The following CHCHD6 variants were observed in gnomAD, a reference collection of about 807,000 sequenced individuals.
CHCHD6 encodes coiled-coil-helix-coiled-coil-helix domain containing 6.
In CHCHD6, 28 loss-of-function variants were observed where a neutral mutation model predicts 32.3. The observed-to-expected ratio is 0.87, with a 90% CI of 0.64 to 1.19. The LOEUF (loss-of-function observed/expected upper bound fraction) is 1.19, where lower values mean the gene tolerates loss of function less well. Ranked by LOEUF, CHCHD6 falls within the 50% of genes most tolerant of loss-of-function variation. CHCHD6 has a pLI of 0.00. For missense variants in CHCHD6, 333 were observed against 307.0 expected (o/e 1.08, Z -0.63); for synonymous variants, 122 against 117.5 (o/e 1.04, Z -0.25).
chr3:126,795,259 A>G (rs1938739344), intron 4 of CHCHD6, among the ~76,000 whole-genome samples: 1 of 152,186 alleles, frequency 6.6e-6, no homozygotes, highest in South Asian at 2.1e-4. Flanking sequence ...TTTCCCTAAA[A>G]CAGGGTATTT....
At chr3:126,953,553 A>C (rs544645374) in intron 6 of CHCHD6, among the ~76,000 whole-genome samples, 1 of 152,336 alleles carries the variant, frequency 6.6e-6, no homozygotes, top group Admixed American at 6.5e-5. Flanking sequence ...ACTGATGGCT[A>C]GGTTGCTATG....
In CHCHD6 at chr3:126,894,245, G is replaced by A. The variant is rs529272890; in HGVS notation, c.496-20435G>A. Among the ~76,000 whole-genome samples, 49 of 152,222 alleles carry A rather than the reference G, an allele frequency of 3.2e-4. 1 individual carries two copies. Among genetic ancestry groups the A allele is most frequent in the Admixed American group, 6.5e-5 (1 of 15,286 alleles). On this transcript the variant is annotated intron_variant, in intron 5 of 7. Coordinates refer to ENST00000290913, the MANE Select transcript of CHCHD6 (RefSeq NM_032343.3). ...CGCAGTGAAGGCTCAAAGAAGTGAC[G>A]TGCTGCCCCTTGGGGGCTGGTCCTT... is the stretch of plus-strand genomic sequence containing the variant.
intron 4 of CHCHD6, among the ~76,000 whole-genome samples, chr3:126,777,883 T>C (rs1345164174): frequency 1.3e-5 from 2 of 152,200 alleles, no homozygotes; most frequent in Non-Finnish European, 2.9e-5. Context: ...TTAGAACATT[T>C]TTGTCACTCC....
intron 4 of CHCHD6, among the ~76,000 whole-genome samples, chr3:126,835,698 G>C (rs1333582507): frequency 1.3e-5 from 2 of 152,144 alleles, no homozygotes; most frequent in Admixed American, 1.3e-4. Flanking sequence ...TGAATCACTG[G>C]CTCCTTTTCT....
intron 4 of CHCHD6, among the ~76,000 whole-genome samples, chr3:126,770,804 C>T (rs1336582622): frequency 6.6e-6 from 1 of 152,190 alleles, no homozygotes; most frequent in African/African-American, 2.4e-5. Flanking sequence ...TGTTGTGTCT[C>T]TGCCAGGTTT....
intron 4 of CHCHD6, among the ~76,000 whole-genome samples, chr3:126,802,765 G>T (rs1440191217): frequency 1.3e-5 from 2 of 152,158 alleles, no homozygotes; most frequent in Non-Finnish European, 2.9e-5. Context: ...ATAACTGTCA[G>T]ATTCACCAAA....
intron 6 of CHCHD6, chr3:126,953,179 C>A (rs887149041): frequency 1.0e-6 from 1 of 976,520 alleles, no homozygotes; most frequent in Middle Eastern, 5.3e-4. Flanking sequence ...CAGCGCCTTG[C>A]CCCAGGTTTG....
At chr3:126,760,286 C>T (rs1035370388) in intron 4 of CHCHD6, among the ~76,000 whole-genome samples, 2 of 152,142 alleles carry the variant, frequency 1.3e-5, no homozygotes, top group Non-Finnish European at 2.9e-5. Flanking sequence ...CAACAATTTT[C>T]TGCCCATTGA....
At chr3:126,919,378 A>T (rs2078214506) in intron 6 of CHCHD6, among the ~76,000 whole-genome samples, 1 of 146,484 alleles carries the variant, frequency 6.8e-6, no homozygotes, top group African/African-American at 2.5e-5. Flanking sequence ...CAGTAACATG[A>T]TCACAGCTTA....
Position 126,885,150 on chromosome 3 carries a change from G to A in CHCHD6, c.496-29530G>A, listed in dbSNP as rs148311691. Reference sequence around the variant, plus strand: ...GGGTGAATCTTTACCTGGAAAGAGGGGCTTTGAGATTTGAAGGAGCAAGGA... The same window carrying A: ...GGGTGAATCTTTACCTGGAAAGAGGAGCTTTGAGATTTGAAGGAGCAAGGA... On this transcript the variant is annotated intron_variant, in intron 5 of 7. Coordinates refer to ENST00000290913, the MANE Select transcript of CHCHD6 (RefSeq NM_032343.3). Among the ~76,000 whole-genome samples, 712 of 152,308 alleles carry A rather than the reference G, an allele frequency of 4.7e-3. 5 individuals are homozygous for A. Among genetic ancestry groups the A allele is most frequent in the Non-Finnish European group, 7.7e-3 (526 of 68,024 alleles).
At chr3:126,800,705 G>C (rs768316953) in intron 4 of CHCHD6, among the ~76,000 whole-genome samples, 1 of 152,126 alleles carries the variant, frequency 6.6e-6, no homozygotes, top group Non-Finnish European at 1.5e-5. Context: ...GGCACAGCAG[G>C]CATCACAGAA....
At chr3:126,767,250 G>A (rs563218890) in intron 4 of CHCHD6, 11 of 1,428,040 alleles carry the variant, frequency 7.7e-6, no homozygotes, top group African/African-American at 7.0e-5. Flanking sequence ...GCGGGGCTGG[G>A]GATAGTGTCT....
At chr3:126,829,649 A>G (rs1940551873) in intron 4 of CHCHD6, among the ~76,000 whole-genome samples, 1 of 152,016 alleles carries the variant, frequency 6.6e-6, no homozygotes. Flanking sequence ...TATAGGAATT[A>G]GAAAAAACAA....
intron 4 of CHCHD6, chr3:126,767,155 G>A: frequency 6.3e-7 from 1 of 1,590,676 alleles, no homozygotes; most frequent in South Asian, 1.1e-5. Context: ...CAAAGGAATA[G>A]AGGTTTCCTT....
At chr3:126,825,405 T>C (rs1203874971) in intron 4 of CHCHD6, among the ~76,000 whole-genome samples, 3 of 152,220 alleles carry the variant, frequency 2.0e-5, no homozygotes, top group African/African-American at 7.2e-5. Flanking sequence ...TTGTTGGTTG[T>C]AGTGTTCTGT....
chr3:126,856,227 C>T (rs1281038853), intron 5 of CHCHD6, among the ~76,000 whole-genome samples: 1 of 152,242 alleles, frequency 6.6e-6, no homozygotes, highest in Non-Finnish European at 1.5e-5. Context: ...GGGCTGCATG[C>T]AGCCCCTGGC....
chr3:126,927,208 G>T (rs1576612467), intron 6 of CHCHD6, among the ~76,000 whole-genome samples: 1 of 152,174 alleles, frequency 6.6e-6, no homozygotes, highest in African/African-American at 2.4e-5. Context: ...TGGGGAGCTG[G>T]CAAGCGCAGG....
At chr3:126,850,957 C>G (rs1191791539) in intron 4 of CHCHD6, among the ~76,000 whole-genome samples, 3 of 152,166 alleles carry the variant, frequency 2.0e-5, no homozygotes, top group African/African-American at 7.2e-5. Context: ...CAGAGGCATT[C>G]CAGAAGCCTT....
At chr3:126,843,791 GT>G (rs1347375122) in intron 4 of CHCHD6, among the ~76,000 whole-genome samples, 1 of 152,180 alleles carries the variant, frequency 6.6e-6, no homozygotes, top group Non-Finnish European at 1.5e-5. Context: ...TCCTGAGGTA[GT>G]ATTCACTTTT....
Sources: allele counts gnomAD v4.1 joint callset (sites outside exome capture counted in the v4.1 genomes callset), GRCh38; gene constraint gnomAD v4.1.1; transcripts MANE v1.5; gene names NCBI Gene and HGNC (gene_info 2026-07-23, HGNC 2026-07-21).